NCOR2: variants seen among roughly 807,000 people sequenced by gnomAD.
NCOR2 encodes nuclear receptor corepressor 2.
Under a neutral mutation model 262.9 loss-of-function variants are expected in NCOR2, and 81 were observed. The observed-to-expected ratio is 0.31, with a 90% CI of 0.26 to 0.37. The LOEUF (loss-of-function observed/expected upper bound fraction) is 0.37. Among genes scored for constraint, NCOR2 ranks in the 10% least tolerant of loss-of-function variants. NCOR2 has a pLI of 1.00. For missense variants in NCOR2, 3,385 were observed against 3,621.4 expected (o/e 0.93, Z 1.68); for synonymous variants, 1,659 against 1,559.3 (o/e 1.06, Z -1.51).
rs1333620345 is a variant in NCOR2, at chr12:124,550,126, G to A, written c.-164-14515C>T. 2.0e-5 allele frequency among the ~76,000 whole-genome samples: 3 copies of A among 151,156 alleles called. No homozygotes were observed. In the South Asian group the frequency reaches 6.3e-4, roughly 32 times the overall value. On this transcript the variant is annotated intron_variant, in intron 1 of 32. Coordinates refer to the NCOR2 transcript ENST00000458234. ...TGGGGTCTGGTGGATGGAAGCAGGG[G>A]TGTTGCCCAGAGCAGCCCCTGCAAC...
chr12:124,413,003 A>G (rs2042666721), intron 13 of NCOR2, among the ~76,000 whole-genome samples: 1 of 152,222 alleles, frequency 6.6e-6, no homozygotes, highest in Non-Finnish European at 1.5e-5. Flanking sequence ...GGAAGTCGGA[A>G]GCCTCGCTGC....
intron 13 of NCOR2, among the ~76,000 whole-genome samples, chr12:124,410,190 C>T (rs1444793272): frequency 2.0e-5 from 3 of 148,894 alleles, no homozygotes; most frequent in South Asian, 2.4e-4. Context: ...CCCCCAGGCC[C>T]CCTCGATCCT....
At chr12:124,459,983 C>T (rs970211937) in intron 5 of NCOR2, among the ~76,000 whole-genome samples, 1 of 152,232 alleles carries the variant, frequency 6.6e-6, no homozygotes, top group Non-Finnish European at 1.5e-5. Context: ...CACATGCTCT[C>T]GCCTGCCTCT....
chr12:124,419,875 T>TGCG, intron 13 of NCOR2, 82 bp downstream of exon 15: 1 of 1,252,254 alleles, frequency 8.0e-7, no homozygotes, highest in Non-Finnish European at 1.2e-6. Context: ...CCGCCAGCCA[T>TGCG]GCGGGGTGCT....
chr12:124,529,844 G>C (rs953816206), intron 1 of NCOR2: 4 of 152,252 alleles, frequency 2.6e-5, no homozygotes, highest in Admixed American at 6.5e-5. Context: ...GGAGCAACTG[G>C]AACTCTCATC....
chr12:124,336,802 C>A, exon 38 of NCOR2: 1 of 1,613,372 alleles, frequency 6.2e-7, no homozygotes, highest in Non-Finnish European at 8.5e-7. Flanking sequence ...TACTTTGAGT[C>A]TTTTCCCGGT....
intron 16 of NCOR2, chr12:124,388,635 T>G (rs974158403): frequency 7.7e-7 from 1 of 1,301,466 alleles, no homozygotes; most frequent in African/African-American, 1.5e-5. Flanking sequence ...TTGCGGTCCC[T>G]GTCCCTGCAC....
chr12:124,516,074 G>A (rs796626347), intron 1 of NCOR2, among the ~76,000 whole-genome samples: 3 of 152,310 alleles, frequency 2.0e-5, no homozygotes, highest in African/African-American at 7.2e-5. Context: ...CCCCGCCTTC[G>A]GAGGCCATTC....
chr12:124,389,107 G>T lies in NCOR2; in HGVS notation c.1877-3220C>A, dbSNP rs1381501798. 6.6e-6 allele frequency among the ~76,000 whole-genome samples: 1 copy of T among 152,248 alleles called. No homozygotes were observed. Among genetic ancestry groups the T allele is most frequent in the African/African-American group, 2.4e-5 (1 of 41,468 alleles). ...AAGTTGTCAGTGGTGCGTGTGGGAT[G>T]CCCCTGGGCCAGGTATCACCGGGGC... On this transcript the variant is annotated intron_variant, in intron 16 of 46. Transcript: ENST00000405201. The surrounding 1 kb of genome is among the most constrained non-coding windows in gnomAD (Gnocchi z 4.4).
chr12:124,334,457 G>A (rs1185602829), exon 41 of NCOR2: 2 of 1,497,166 alleles, frequency 1.3e-6, no homozygotes, highest in Non-Finnish European at 8.9e-7. Context: ...GGAGCCACGG[G>A]CCGGGGCACC....
intron 7 of NCOR2, among the ~76,000 whole-genome samples, chr12:124,439,073 A>AGC: frequency 8.7e-4 from 1 of 1,150 alleles, no homozygotes; most frequent in Admixed American, 0.01. Flanking sequence ...ACAGAGACCC[A>AGC]GAGAGAGAAA....
At chr12:124,369,747 G>A (rs1463252613) in intron 20 of NCOR2, among the ~76,000 whole-genome samples, 1 of 152,142 alleles carries the variant, frequency 6.6e-6, no homozygotes, top group East Asian at 1.9e-4. Flanking sequence ...GAGGACTCCT[G>A]CACCCGGGGG....
At chr12:124,475,536 C>T (rs2047062261) in intron 3 of NCOR2, among the ~76,000 whole-genome samples, 1 of 152,244 alleles carries the variant, frequency 6.6e-6, no homozygotes, top group South Asian at 2.1e-4. Flanking sequence ...TCTGTCTCAT[C>T]TACTCACCCC....
In NCOR2 at chr12:124,346,395, A is replaced by G. The variant is rs148969118; in HGVS notation, c.4359+169T>C. On this transcript the variant is annotated intron_variant, in intron 31 of 46. Transcript: ENST00000405201. ...GTCAGGAGCCTGGTGCCCCCTGCGCAGCCCTGGAACACGCACAGCTGAGGC... is the reference window on the plus strand; with the variant it reads ...GTCAGGAGCCTGGTGCCCCCTGCGCGGCCCTGGAACACGCACAGCTGAGGC... Among the ~76,000 whole-genome samples, 17 of 152,276 alleles carry G rather than the reference A, an allele frequency of 1.1e-4. No individual in the cohort carries two copies. In the East Asian group the frequency reaches 3.3e-3, roughly 29 times the overall value.
chr12:124,360,264 T>A (rs1213977834), intron 22 of NCOR2, among the ~76,000 whole-genome samples: 1 of 152,206 alleles, frequency 6.6e-6, no homozygotes, highest in Non-Finnish European at 1.5e-5. Context: ...TGGCCCCAGG[T>A]AGCCCAGCCC....
intron 17 of NCOR2, 106 bp downstream of exon 19, chr12:124,385,639 C>T (rs950611411): frequency 2.7e-6 from 4 of 1,478,900 alleles, no homozygotes; most frequent in South Asian, 2.7e-5. Context: ...GGCATAATAG[C>T]CCCTCCCTGG....
At chr12:124,461,053 A>G (rs913568643) in intron 5 of NCOR2, among the ~76,000 whole-genome samples, 2 of 152,226 alleles carry the variant, frequency 1.3e-5, no homozygotes, top group African/African-American at 4.8e-5. Context: ...GCTCCGGCCC[A>G]AAGGAGGGCT....
In NCOR2 at chr12:124,531,893, C is replaced by G. The variant is rs1316621104; in HGVS notation, c.-118+3672G>C. On this transcript the variant is annotated intron_variant, in intron 1 of 46. Coordinates refer to the NCOR2 transcript ENST00000404621. This position sits in a 1 kb window ranked among gnomAD's most constrained non-coding sequence, Gnocchi z 4.5. ...CCCAGACACCCACCTCCCCACCCCA[C>G]TCCCAGCTGAAGAATCCACTCACAG... 6.6e-6 allele frequency among the ~76,000 whole-genome samples: 1 copy of G among 151,982 alleles called. No individual in the cohort carries two copies. Among genetic ancestry groups the G allele is most frequent in the East Asian group, 2.0e-4 (1 of 5,124 alleles).
At chr12:124,463,786 C>T (rs1306768171) in intron 5 of NCOR2, among the ~76,000 whole-genome samples, 1 of 152,250 alleles carries the variant, frequency 6.6e-6, no homozygotes, top group African/African-American at 2.4e-5. Context: ...AGGCTGCAGG[C>T]TTTGGAGGCT....
Sources: allele counts gnomAD v4.1 joint callset (sites outside exome capture counted in the v4.1 genomes callset), GRCh38; gene constraint gnomAD v4.1.1; non-coding constraint Gnocchi (gnomAD v3.1); transcripts MANE v1.5; gene names NCBI Gene and HGNC (gene_info 2026-07-23, HGNC 2026-07-21).